The following TRMT10A variants were observed in gnomAD, a reference collection of about 807,000 sequenced individuals.
TRMT10A encodes tRNA methyltransferase 10A, also known as tRNA methyltransferase 10 homolog A.
A neutral mutation model predicts 40.4 loss-of-function variants in TRMT10A; 37 were observed. The observed-to-expected ratio is 0.92, with a 90% CI of 0.71 to 1.21. The LOEUF (loss-of-function observed/expected upper bound fraction) is 1.21, where lower values mean the gene tolerates loss of function less well. TRMT10A is among the 50% of genes most tolerant of loss of function. TRMT10A has a pLI of 0.00. For synonymous variants in TRMT10A, 103 were observed against 134.1 expected, an observed-to-expected ratio of 0.77 and a Z score of 1.60; for missense variants, 388 against 404.3, an observed-to-expected ratio of 0.96 and a Z score of 0.35.
intron 4 of TRMT10A, among the ~76,000 whole-genome samples, 156 bp downstream of exon 4, chr4:99,557,189 T>C (rs1031588087): frequency 6.6e-6 from 1 of 152,142 alleles, no homozygotes; most frequent in African/African-American, 2.4e-5. Flanking sequence ...ATGTTTAAAA[T>C]ATTTTGCTTC....
In TRMT10A at chr4:99,558,069, C is replaced by A; in HGVS notation, c.328G>T (p.Asp110Tyr). Residue 110 changes from aspartate to tyrosine, a missense_variant, in exon 3 of 8, where the codon GAT becomes TAT. Coordinates refer to ENST00000394876, the MANE Select transcript of TRMT10A (RefSeq NM_001134665.3). ...GATACCTTTAATACCATCAAGTGAT[C>A]AAAACTACAGTCAATAATAAGGCGA... is the stretch of plus-strand genomic sequence containing the variant. ...TLRLIIDCSF[D>Y]HLMVLKDIKK... 1 of 1,596,764 alleles carries A rather than the reference C, an allele frequency of 6.3e-7. No homozygotes were observed. The highest frequency in any genetic ancestry group is 1.1e-5 in the South Asian group (1 of 87,298).
At position 99,558,171 on chromosome 4, in the gene TRMT10A, G is replaced by A. The variant is rs748994888; in HGVS notation, c.226C>T (p.Arg76Ter). The A allele has an allele frequency of 2.5e-5, 40 of 1,597,574 alleles. No individual in the cohort carries two copies. The highest frequency in any genetic ancestry group is 9.0e-5 in the East Asian group (4 of 44,630). The change falls in exon 3 of 8, where the codon CGA becomes TGA. Residue 76 changes from arginine to a stop codon, truncating the protein, a stop_gained. Transcript: ENST00000394876. LOFTEE classifies it high-confidence loss of function. Reference protein sequence around the residue: ...KEKRKRKKLERQCQMEPNSDG... With the variant: ...KEKRKRKKLE ...GAGTTTGGTTCCATTTGACATTGTC[G>A]CTCTAATTTTTTCCTCTTGCGTTTT...
In TRMT10A at chr4:99,549,091, G is replaced by C. The variant is rs749849123; in HGVS notation, c.1017C>G (p.His339Gln). Residue 339 changes from histidine to glutamine, a missense_variant, in exon 8 of 8, where the codon CAC becomes CAG. Physicochemically the swap from His to Gln is conservative, Grantham distance 24. Coordinates refer to ENST00000394876, the MANE Select transcript of TRMT10A (RefSeq NM_001134665.3). ...HTESTVNSLP[H>Q] The stretch of plus-strand genomic sequence containing the variant: ...ACTAAAAGGAAACCAGGTAACATTA[G>C]TGTGGCAGAGAGTTCACTGTAGATT... The C allele has an allele frequency of 9.3e-6, 15 of 1,613,388 alleles. No individual in the cohort carries two copies. Among genetic ancestry groups the C allele is most frequent in the Non-Finnish European group, 1.3e-5 (15 of 1,179,406 alleles).
At chr4:99,555,426 T>C (rs1724127370) in intron 5 of TRMT10A, among the ~76,000 whole-genome samples, 1 of 152,176 alleles carries the variant, frequency 6.6e-6, no homozygotes, top group Non-Finnish European at 1.5e-5. Flanking sequence ...CCAAGGCCAA[T>C]CTATTTAGTC....
chr4:99,554,225 A>ATAG (rs1259870811), intron 5 of TRMT10A, among the ~76,000 whole-genome samples: 1 of 152,166 alleles, frequency 6.6e-6, no homozygotes, highest in African/African-American at 2.4e-5. Flanking sequence ...ACTACTTTCA[A>ATAG]TGTTTTATCT....
intron 1 of TRMT10A, among the ~76,000 whole-genome samples, chr4:99,561,524 C>A (rs534781758): frequency 1.5e-4 from 23 of 152,228 alleles, no homozygotes; most frequent in Admixed American, 1.4e-3. Context: ...TTTAAATAAG[C>A]CAGGTGCACT....
At chr4:99,551,608 T>C (rs1417942888) in intron 6 of TRMT10A, among the ~76,000 whole-genome samples, 2 of 152,034 alleles carry the variant, frequency 1.3e-5, no homozygotes, top group Admixed American at 1.3e-4. Flanking sequence ...TGATAATAAA[T>C]GTTACCTGTT....
Position 99,558,144 on chromosome 4 carries a change from C to T in TRMT10A, c.253G>A (p.Asp85Asn), listed in dbSNP as rs757341174. ...ERQCQMEPNS[D>N]GHDRKRVRRD... ...CGAACACGTTTTCTGTCATGTCCAT[C>T]TGAGTTTGGTTCCATTTGACATTGT... The change falls in exon 3 of 8, where the codon GAT becomes AAT. Residue 85 changes from aspartate to asparagine, a missense_variant. By Grantham distance (23) the Asp-to-Asn change is conservative. Coordinates refer to ENST00000394876, the MANE Select transcript of TRMT10A (RefSeq NM_001134665.3). 1 of 1,612,134 alleles carries T rather than the reference C, an allele frequency of 6.2e-7. No individual in the cohort carries two copies. Among genetic ancestry groups the T allele is most frequent in the South Asian group, 1.1e-5 (1 of 90,580 alleles).
At position 99,557,951 on chromosome 4, in the gene TRMT10A, C is replaced by T. The variant is rs192226738; in HGVS notation, c.348+98G>A. 24 of 1,192,214 alleles carry T rather than the reference C, an allele frequency of 2.0e-5. No individual in the cohort carries two copies. The African/African-American group carries it at 3.7e-4, about 18-fold the overall frequency. The allele number at this position is 1,192,214 out of a possible 1,614,324, so 73.9% of individuals were successfully genotyped here. ...AGTTTGAAAAACTGAAGATTCATTT[C>T]AATACACAAATTTACATAAAAGGGA... On this transcript the variant is annotated intron_variant, in intron 3 of 7. Transcript: ENST00000394876.
intron 1 of TRMT10A, among the ~76,000 whole-genome samples, chr4:99,562,291 A>G (rs994537825): frequency 1.3e-5 from 2 of 150,838 alleles, no homozygotes; most frequent in African/African-American, 4.9e-5. Context: ...TAGGTTATTA[A>G]GTGGGCTTAC....
intron 3 of TRMT10A, chr4:99,557,641 T>C (rs1273481936): frequency 1.8e-5 from 8 of 451,580 alleles, no homozygotes; most frequent in Non-Finnish European, 3.1e-5. Flanking sequence ...TTTGTATTTA[T>C]TTAAAATGCT....
chr4:99,557,124 T>A (rs1479606558), intron 4 of TRMT10A, among the ~76,000 whole-genome samples: 3 of 152,186 alleles, frequency 2.0e-5, no homozygotes, highest in Non-Finnish European at 4.4e-5. Flanking sequence ...AAAGGCCAAT[T>A]TGTATAAGAC....
intron 5 of TRMT10A, among the ~76,000 whole-genome samples, chr4:99,555,755 T>C (rs1052667638): frequency 6.6e-6 from 1 of 152,194 alleles, no homozygotes; most frequent in African/African-American, 2.4e-5. Flanking sequence ...AATAGCCACA[T>C]GTGGATAGTG....
At chr4:99,549,759 C>CT (rs1309097001) in intron 7 of TRMT10A, among the ~76,000 whole-genome samples, 1 of 151,980 alleles carries the variant, frequency 6.6e-6, no homozygotes, top group Admixed American at 6.6e-5. Flanking sequence ...TCCTTGACTG[C>CT]TTTTTTTTCT....
At chr4:99,562,201 A>ATATGTGTG (rs374134499) in intron 1 of TRMT10A, among the ~76,000 whole-genome samples, 250 of 136,176 alleles carry the variant, frequency 1.8e-3, no homozygotes, top group African/African-American at 4.9e-3. Context: ...ATATATATAT[A>ATATGTGTG]TGTGTGTGTG....
intron 1 of TRMT10A, among the ~76,000 whole-genome samples, chr4:99,562,197 A>T (rs199941647): frequency 5.9e-5 from 4 of 67,316 alleles, no homozygotes; most frequent in Admixed American, 1.2e-4. Flanking sequence ...TTATATATAT[A>T]TATATGTGTG....
At chr4:99,553,377 A>G (rs1724036736) in intron 6 of TRMT10A, among the ~76,000 whole-genome samples, 1 of 152,200 alleles carries the variant, frequency 6.6e-6, no homozygotes, top group South Asian at 2.1e-4. Flanking sequence ...CCATGAAAAT[A>G]ACATATTTAA....
intron 4 of TRMT10A, among the ~76,000 whole-genome samples, chr4:99,556,569 A>C (rs935591742): frequency 1.3e-5 from 2 of 152,044 alleles, no homozygotes; most frequent in African/African-American, 2.4e-5. Context: ...AGTCTTCATA[A>C]TTTTTCTTTG....
chr4:99,555,698 T>C (rs1361440579), intron 5 of TRMT10A, among the ~76,000 whole-genome samples: 1 of 152,202 alleles, frequency 6.6e-6, no homozygotes, highest in Admixed American at 6.5e-5. Context: ...TATTTCACAT[T>C]CATAGCACAT....
Sources: gnomAD v4.1 joint callset for allele counts (sites outside exome capture counted in the v4.1 genomes callset) on GRCh38, gnomAD v4.1.1 for gene constraint, MANE v1.5 for transcripts, NCBI Gene and HGNC (gene_info 2026-07-23, HGNC 2026-07-21) for gene names.